The following SCAPER variants were observed in gnomAD, a reference collection of about 807,000 sequenced individuals.
SCAPER encodes the protein S phase cyclin A-associated protein in the endoplasmic reticulum.
In SCAPER, 98 loss-of-function variants were observed where a neutral mutation model predicts 182.2. That is an observed-to-expected ratio of 0.54 (90% CI 0.46 to 0.64). The LOEUF is 0.64. Ranked by LOEUF, SCAPER falls within the 30% of genes least tolerant of loss-of-function variation. The probability of loss-of-function intolerance (pLI) is 0.00; values close to 1 mark genes in which losing one functional copy is unlikely to be tolerated. For missense variants in SCAPER, 1,432 were observed against 1,690.0 expected (o/e 0.85, Z 2.68); for synonymous variants, 605 against 564.6 (o/e 1.07, Z -1.01).
At chr15:76,820,708 G>A (rs2067472824) in intron 5 of SCAPER, among the ~76,000 whole-genome samples, 1 of 151,452 alleles carries the variant, frequency 6.6e-6, no homozygotes, top group Non-Finnish European at 1.5e-5. Flanking sequence ...CCTGCACGTT[G>A]TGCACATGTA....
intron 21 of SCAPER, among the ~76,000 whole-genome samples, chr15:76,643,061 C>T (rs1196771205): frequency 3.3e-5 from 5 of 152,310 alleles, no homozygotes; most frequent in African/African-American, 1.2e-4. Flanking sequence ...AACTGGCTTA[C>T]TATAGCCACA....
chr15:76,833,098 G>C (rs905042750), intron 5 of SCAPER, among the ~76,000 whole-genome samples: 1 of 152,072 alleles, frequency 6.6e-6, no homozygotes, highest in African/African-American at 2.4e-5. Flanking sequence ...GGTCAATGCA[G>C]AAGAAAAAAC....
Position 76,423,521 on chromosome 15 carries a change from T to C in SCAPER, c.3311+10557A>G, listed in dbSNP as rs1185091401. On this transcript the variant is annotated intron_variant, in intron 26 of 31. Transcript: ENST00000563290. Reference sequence around the variant, plus strand: ...TGATTATTCTCTCTTTTCTTCTTTATTAGTCTTGCTAGCAGTCTGTCAATT... The same window carrying C: ...TGATTATTCTCTCTTTTCTTCTTTACTAGTCTTGCTAGCAGTCTGTCAATT... Among the ~76,000 whole-genome samples the C allele has an allele frequency of 6.6e-5, 10 of 152,346 alleles. No homozygotes were observed. The East Asian group carries it at 1.9e-3, about 29-fold the overall frequency.
At chr15:76,857,321 T>C (rs62029234) in intron 4 of SCAPER, among the ~76,000 whole-genome samples, 1 of 151,792 alleles carries the variant, frequency 6.6e-6, no homozygotes, top group Admixed American at 6.6e-5. Context: ...TAGTTCCAGG[T>C]TCTGGGGTGG....
intron 15 of SCAPER, among the ~76,000 whole-genome samples, chr15:76,741,866 T>C (rs62028726): frequency 0.067 from 10,218 of 152,130 alleles, 381 homozygotes; most frequent in Middle Eastern, 0.11. Context: ...CACCAAACAA[T>C]AGGCAATTGA....
chr15:76,712,677 G>A (rs2059654979), intron 17 of SCAPER, among the ~76,000 whole-genome samples: 1 of 151,904 alleles, frequency 6.6e-6, no homozygotes, highest in African/African-American at 2.4e-5. Context: ...TGGATTCCTA[G>A]GTATTTTATT....
intron 29 of SCAPER, among the ~76,000 whole-genome samples, chr15:76,371,260 T>G (rs943446261): frequency 1.3e-5 from 2 of 152,108 alleles, no homozygotes; most frequent in South Asian, 2.1e-4. Context: ...ATGGCAAGAA[T>G]AGTATAAAGA....
chr15:76,796,207 T>C (rs1202162208), intron 7 of SCAPER, among the ~76,000 whole-genome samples: 1 of 152,230 alleles, frequency 6.6e-6, no homozygotes, highest in South Asian at 2.1e-4. Context: ...TTGGTTCCTT[T>C]AAAGTGGAGT....
At position 76,660,898 on chromosome 15, in the gene SCAPER, C is replaced by CAA. The variant is rs549792573; in HGVS notation, c.2645+4753_2645+4754dup. Among the ~76,000 whole-genome samples, 1,222 of 143,838 alleles carry CAA rather than the reference C, an allele frequency of 8.5e-3. 13 individuals are homozygous for CAA. Among genetic ancestry groups the CAA allele is most frequent in the African/African-American group, 0.03 (1,161 of 39,144 alleles). 94.4% of individuals were successfully genotyped at this position (143,838 alleles called of 152,430 possible). A position where few individuals can be genotyped will look rare whatever the true frequency, so the allele number is the denominator to read the frequency against. On this transcript the variant is annotated intron_variant, in intron 21 of 31. Transcript: ENST00000563290. ...TGTCCCAGAATATAAGGTTAATACG[C>CAA]AAAAAAAAAACTGTTTCTATAAACT...
intron 1 of SCAPER, among the ~76,000 whole-genome samples, chr15:76,884,508 G>A (rs1388439977): frequency 6.6e-6 from 1 of 152,210 alleles, no homozygotes; most frequent in East Asian, 1.9e-4. Flanking sequence ...ACAGGGACTG[G>A]GAAATTGCTT....
chr15:76,889,007 A>G (rs2074014872), intron 1 of SCAPER, among the ~76,000 whole-genome samples: 1 of 152,224 alleles, frequency 6.6e-6, no homozygotes, highest in Non-Finnish European at 1.5e-5. Context: ...GGCAGAAGAG[A>G]GTAGGGGCCA....
intron 23 of SCAPER, 133 bp from the exon 24 acceptor site, chr15:76,505,107 G>GTTT: frequency 1.5e-6 from 1 of 676,708 alleles, no homozygotes; most frequent in Non-Finnish European, 2.5e-6. Flanking sequence ...TTTGCTGAAT[G>GTTT]CTACTCACTG....
At chr15:76,378,382 T>C (rs1237221244) in intron 28 of SCAPER, among the ~76,000 whole-genome samples, 1 of 152,234 alleles carries the variant, frequency 6.6e-6, no homozygotes, top group East Asian at 1.9e-4. Context: ...TCTCTTTTCC[T>C]GTCCTTTACA....
At chr15:76,763,010 T>C (rs1329851630) in intron 14 of SCAPER, among the ~76,000 whole-genome samples, 1 of 152,146 alleles carries the variant, frequency 6.6e-6, no homozygotes, top group Non-Finnish European at 1.5e-5. Flanking sequence ...ACCCTTACAG[T>C]ATTATGTTAT....
In SCAPER at chr15:76,721,803, T is replaced by C. The variant is rs1223171294; in HGVS notation, c.2165+6792A>G. Reference sequence around the variant, plus strand: ...TATCCTGAGACTTTGCTGAAGTTGCTTATCAGCTTAAGGAGATTTTGGGCT... The same window carrying C: ...TATCCTGAGACTTTGCTGAAGTTGCCTATCAGCTTAAGGAGATTTTGGGCT... On this transcript the variant is annotated intron_variant, in intron 17 of 31. Coordinates refer to ENST00000563290, the MANE Select transcript of SCAPER (RefSeq NM_020843.4). 2.6e-5 allele frequency among the ~76,000 whole-genome samples: 4 copies of C among 152,188 alleles called. No individual in the cohort carries two copies. In the East Asian group the frequency reaches 7.7e-4, roughly 29 times the overall value.
chr15:76,483,781 A>T (rs1436338192), intron 24 of SCAPER, among the ~76,000 whole-genome samples: 1 of 152,166 alleles, frequency 6.6e-6, no homozygotes, highest in African/African-American at 2.4e-5. Context: ...AAGGATTACA[A>T]ATTAAAACAA....
chr15:76,785,960 G>A (rs1170135921), intron 8 of SCAPER, among the ~76,000 whole-genome samples: 4 of 151,994 alleles, frequency 2.6e-5, no homozygotes, highest in African/African-American at 7.3e-5. Context: ...CACCAACATG[G>A]CACATGTATA....
At chr15:76,831,143 T>C (rs902437167) in intron 5 of SCAPER, among the ~76,000 whole-genome samples, 2 of 152,124 alleles carry the variant, frequency 1.3e-5, no homozygotes, top group African/African-American at 2.4e-5. Flanking sequence ...CTATGGAGCA[T>C]GGCCATGGGC....
chr15:76,576,459 C>G (rs909914537), intron 22 of SCAPER, among the ~76,000 whole-genome samples: 1 of 152,160 alleles, frequency 6.6e-6, no homozygotes. Flanking sequence ...AGTATTATCC[C>G]TATTTGAAAA....
Sources: allele counts gnomAD v4.1 joint callset (sites outside exome capture counted in the v4.1 genomes callset), GRCh38; gene constraint gnomAD v4.1.1; transcripts MANE v1.5; gene names NCBI Gene and HGNC (gene_info 2026-07-23, HGNC 2026-07-21).